The following SLMAP variants were observed in gnomAD, a reference collection of about 807,000 sequenced individuals.
SLMAP encodes sarcolemmal membrane-associated protein.
In SLMAP, 44 loss-of-function variants were observed where a neutral mutation model predicts 128.8. The observed-to-expected ratio is 0.34, with a 90% CI of 0.27 to 0.44. The LOEUF (loss-of-function observed/expected upper bound fraction) is 0.44. SLMAP is among the 20% of genes least tolerant of loss of function. SLMAP has a pLI of 1.00. For missense variants in SLMAP, 787 were observed against 985.3 expected, an observed-to-expected ratio of 0.80 and a Z score of 2.69; for synonymous variants, 327 against 348.8, an observed-to-expected ratio of 0.94 and a Z score of 0.70.
intron 2 of SLMAP, among the ~76,000 whole-genome samples, chr3:57,771,204 C>A (rs1290123950): frequency 1.5e-5 from 2 of 133,122 alleles, no homozygotes; most frequent in Non-Finnish European, 3.2e-5. Context: ...TTCTCTTTCT[C>A]CTCCTCCTCC....
chr3:57,858,210 A>G, intron 8 of SLMAP, 51 bp downstream of exon 8: 1 of 992,140 alleles, frequency 1.0e-6, no homozygotes, highest in South Asian at 1.3e-5. Context: ...TTTTTATGTA[A>G]CATCATTTCT....
chr3:57,909,029 T>C (rs755515175), intron 18 of SLMAP, 47 bp from the exon 19 acceptor site: 27 of 1,336,986 alleles, frequency 2.0e-5, no homozygotes, highest in Non-Finnish European at 2.8e-5. Context: ...CTGAGTACTT[T>C]CATTAATTCA....
intron 23 of SLMAP, among the ~76,000 whole-genome samples, chr3:57,924,253 T>C (rs2096963584): frequency 6.6e-6 from 1 of 152,234 alleles, no homozygotes; most frequent in African/African-American, 2.4e-5. Flanking sequence ...CCTATGGTAT[T>C]AAAATATTAC....
In SLMAP at chr3:57,923,006, C is replaced by T; in HGVS notation, c.2428C>T (p.Arg810Ter). 6.2e-7 allele frequency: 1 copy of T among 1,613,444 alleles called. No homozygotes were observed. The highest frequency in any genetic ancestry group is 8.5e-7 in the Non-Finnish European group (1 of 1,179,780). Residue 810 changes from arginine to a stop codon, truncating the protein, a stop_gained, in exon 23 of 25, where the codon CGA (arginine) becomes TGA (stop). Coordinates refer to ENST00000671191, the MANE Select transcript of SLMAP (RefSeq NM_001377540.1). LOFTEE classifies it high-confidence loss of function. Reference sequence around the variant, plus strand: ...GTGTAAAAACAACCTGAAGCTGCTCCGAGAGAAAGGAAATAATGTAAGTCT... The same window carrying T: ...GTGTAAAAACAACCTGAAGCTGCTCTGAGAGAAAGGAAATAATGTAAGTCT... ...KQCKNNLKLLREKGNNPSILQ... is the reference protein window; with the variant it reads ...KQCKNNLKLL
chr3:57,856,196 C>T (rs750069549), intron 6 of SLMAP, among the ~76,000 whole-genome samples: 1 of 152,042 alleles, frequency 6.6e-6, no homozygotes, highest in Non-Finnish European at 1.5e-5. Flanking sequence ...GCACTCCAGC[C>T]TGGGTGACAG....
intron 4 of SLMAP, among the ~76,000 whole-genome samples, chr3:57,844,489 T>C (rs1377307251): frequency 6.6e-6 from 1 of 152,156 alleles, no homozygotes; most frequent in Non-Finnish European, 1.5e-5. Context: ...ATTTCCTTCT[T>C]ATGGTTTGTA....
intron 2 of SLMAP, among the ~76,000 whole-genome samples, chr3:57,768,400 C>G (rs919375826): frequency 1.3e-5 from 2 of 152,038 alleles, no homozygotes; most frequent in Non-Finnish European, 1.5e-5. Flanking sequence ...TTTACTTATA[C>G]AAATAACAGG....
At chr3:57,913,660 A>G (rs986355760) in intron 21 of SLMAP, among the ~76,000 whole-genome samples, 1 of 152,186 alleles carries the variant, frequency 6.6e-6, no homozygotes, top group Non-Finnish European at 1.5e-5. Flanking sequence ...AGTGACTATA[A>G]TGAAGAATTT....
At chr3:57,853,833 C>T (rs1186394781) in intron 6 of SLMAP, among the ~76,000 whole-genome samples, 7 of 148,852 alleles carry the variant, frequency 4.7e-5, no homozygotes, top group East Asian at 4.0e-4. Flanking sequence ...CCCAGCTACT[C>T]GGGAGGCTGA....
intron 2 of SLMAP, among the ~76,000 whole-genome samples, chr3:57,765,632 T>C (rs2079528273): frequency 6.6e-6 from 1 of 152,214 alleles, no homozygotes; most frequent in Admixed American, 6.5e-5. Context: ...ATACATTCTT[T>C]TACTTTTTAT....
At chr3:57,907,672 A>G (rs1338385931) in intron 17 of SLMAP, among the ~76,000 whole-genome samples, 4 of 152,202 alleles carry the variant, frequency 2.6e-5, no homozygotes, top group Non-Finnish European at 4.4e-5. Flanking sequence ...TATTTTTATA[A>G]TGTCATCACC....
chr3:57,758,238 TCC>T (rs887394136), intron 2 of SLMAP, among the ~76,000 whole-genome samples: 1 of 152,214 alleles, frequency 6.6e-6, no homozygotes, highest in Non-Finnish European at 1.5e-5. Context: ...GCCATTATTA[TCC>T]CGGGGCTCAA....
rs1339981364 is a variant in SLMAP, at chr3:57,757,586, G to C, written c.-66G>C. The C allele has an allele frequency of 6.6e-7, 1 of 1,506,582 alleles. No individual in the cohort carries two copies. The highest frequency in any genetic ancestry group is 9.2e-7 in the Non-Finnish European group (1 of 1,091,002). The allele number at this position is 1,506,582 out of a possible 1,614,324, so 93.3% of individuals were successfully genotyped here. ...GGGATAGGGGCATAGGCTTGTGAAGGGCAGTCCGGATCCGGAGGAACTCCT... is the reference window on the plus strand; with the variant it reads ...GGGATAGGGGCATAGGCTTGTGAAGCGCAGTCCGGATCCGGAGGAACTCCT... On this transcript the variant is annotated 5_prime_UTR_variant, in exon 2 of 25. Transcript: ENST00000671191.
At position 57,897,848 on chromosome 3, in the gene SLMAP, A is replaced by T. The variant is rs561994241; in HGVS notation, c.1501+916A>T. 2.0e-5 allele frequency: 3 copies of T among 152,350 alleles called. No individual in the cohort carries two copies. In the South Asian group the frequency reaches 6.2e-4, roughly 32 times the overall value. The allele number at this position is 152,350 out of a possible 1,614,324, so 9.4% of individuals were successfully genotyped here. ...GGTAGAAAATAAATCAGCATTTATAAAAATGTTTTTAAAATAAAGTTCCTT... is the reference window on the plus strand; with the variant it reads ...GGTAGAAAATAAATCAGCATTTATATAAATGTTTTTAAAATAAAGTTCCTT... On this transcript the variant is annotated intron_variant, in intron 17 of 24. Transcript: ENST00000671191.
chr3:57,896,269 C>T, intron 15 of SLMAP: 1 of 1,198,504 alleles, frequency 8.3e-7, no homozygotes, highest in Non-Finnish European at 1.0e-6. Flanking sequence ...CAGCCTTGAA[C>T]AAAAGCCCCA....
chr3:57,826,927 C>A (rs2092968247), intron 2 of SLMAP, among the ~76,000 whole-genome samples: 1 of 152,126 alleles, frequency 6.6e-6, no homozygotes, highest in Non-Finnish European at 1.5e-5. Flanking sequence ...TGGTCTTCCC[C>A]ACTCTTATTT....
At chr3:57,879,220 T>C (rs1156301191) in intron 14 of SLMAP, among the ~76,000 whole-genome samples, 1 of 152,234 alleles carries the variant, frequency 6.6e-6, no homozygotes, top group African/African-American at 2.4e-5. Context: ...TTATGCCACA[T>C]AGTAATATGG....
intron 2 of SLMAP, among the ~76,000 whole-genome samples, chr3:57,827,587 C>G (rs2093012343): frequency 6.6e-6 from 1 of 152,220 alleles, no homozygotes; most frequent in Non-Finnish European, 1.5e-5. Flanking sequence ...GAAAGTGCTG[C>G]TGTTGAACTT....
intron 17 of SLMAP, chr3:57,901,157 C>T (rs1290030723): frequency 6.6e-6 from 1 of 152,306 alleles, no homozygotes; most frequent in Non-Finnish European, 1.5e-5. Flanking sequence ...ATATGGTTCC[C>T]TGCATGGTGT....
Sources: allele counts gnomAD v4.1 joint callset (sites outside exome capture counted in the v4.1 genomes callset), GRCh38; gene constraint gnomAD v4.1.1; transcripts MANE v1.5; gene names NCBI Gene and HGNC (gene_info 2026-07-23, HGNC 2026-07-21).